DISC1: variants seen among roughly 807,000 people sequenced by gnomAD.
DISC1 encodes the protein DISC1 scaffold protein, also known as disrupted in schizophrenia 1 protein.
Under a neutral mutation model 84.5 loss-of-function variants are expected in DISC1, and 57 were observed. That is an observed-to-expected ratio of 0.67 (90% CI 0.55 to 0.84). The LOEUF (loss-of-function observed/expected upper bound fraction) is 0.84. Among genes scored for constraint, DISC1 ranks in the 40% least tolerant of loss-of-function variants. The pLI is 0.00. For synonymous variants in DISC1, 411 were observed against 415.2 expected, an observed-to-expected ratio of 0.99 and a Z score of 0.12; for missense variants, 1,000 against 1,057.8, an observed-to-expected ratio of 0.95 and a Z score of 0.76.
At chr1:231,923,338 G>T (rs200475513) in intron 9 of DISC1, among the ~76,000 whole-genome samples, 1 of 150,998 alleles carries the variant, frequency 6.6e-6, no homozygotes, top group African/African-American at 2.4e-5. Context: ...AAAGAAATCC[G>T]TTTTCGCTGA....
chr1:231,677,796 T>C (rs2063303723), intron 1 of DISC1, among the ~76,000 whole-genome samples: 1 of 152,196 alleles, frequency 6.6e-6, no homozygotes. Context: ...CTGACCAATA[T>C]GGTGAAACCC....
intron 9 of DISC1, among the ~76,000 whole-genome samples, chr1:231,880,115 A>G (rs1480373451): frequency 1.3e-5 from 2 of 152,202 alleles, no homozygotes; most frequent in East Asian, 1.9e-4. Flanking sequence ...TCATGAAATA[A>G]TGAGCTAATG....
intron 9 of DISC1, among the ~76,000 whole-genome samples, chr1:231,927,641 A>G (rs2090427553): frequency 6.6e-6 from 1 of 152,210 alleles, no homozygotes; most frequent in Non-Finnish European, 1.5e-5. Context: ...TTTGCCAGGA[A>G]CCATGCCAAG....
chr1:231,774,975 C>A (rs1270995325), intron 6 of DISC1, among the ~76,000 whole-genome samples: 2 of 152,218 alleles, frequency 1.3e-5, no homozygotes, highest in Non-Finnish European at 2.9e-5. Flanking sequence ...TTACATACAT[C>A]AATAGCTGCC....
At chr1:231,640,415 C>T (rs984615675) in intron 1 of DISC1, among the ~76,000 whole-genome samples, 10 of 152,190 alleles carry the variant, frequency 6.6e-5, no homozygotes, top group East Asian at 1.9e-4. Flanking sequence ...AGCACATTCC[C>T]GGAGTGTAAG....
intron 6 of DISC1, among the ~76,000 whole-genome samples, chr1:231,777,451 C>G (rs967053536): frequency 3.9e-5 from 6 of 152,114 alleles, no homozygotes; most frequent in African/African-American, 1.4e-4. Context: ...GAACTCCTGT[C>G]CTCAAGTGAT....
chr1:231,951,001 C>G (rs1181167603), intron 9 of DISC1, among the ~76,000 whole-genome samples: 1 of 152,180 alleles, frequency 6.6e-6, no homozygotes, highest in Admixed American at 6.5e-5. Flanking sequence ...CAGCCACACA[C>G]CACCCCACAG....
chr1:231,719,095 A>G (rs1372445446), intron 3 of DISC1, among the ~76,000 whole-genome samples: 1 of 152,228 alleles, frequency 6.6e-6, no homozygotes, highest in Admixed American at 6.5e-5. Flanking sequence ...ACTGCACTCC[A>G]GCCTGGGTGA....
At chr1:231,879,347 T>C (rs887365101) in intron 9 of DISC1, among the ~76,000 whole-genome samples, 2 of 152,010 alleles carry the variant, frequency 1.3e-5, no homozygotes, top group Admixed American at 1.3e-4. Context: ...GGACTTAAGG[T>C]ATACATATGT....
intron 11 of DISC1, among the ~76,000 whole-genome samples, chr1:232,011,020 A>G (rs1667974808): frequency 3.3e-5 from 5 of 152,086 alleles, no homozygotes; most frequent in Admixed American, 3.3e-4. Context: ...CCAAGGTGCC[A>G]TATTTTGGGG....
chr1:231,727,885 G>C (rs1161724758), intron 3 of DISC1, among the ~76,000 whole-genome samples: 3 of 151,690 alleles, frequency 2.0e-5, no homozygotes, highest in Non-Finnish European at 4.4e-5. Context: ...CCAGGAGTTC[G>C]GGGCTGCAGT....
At chr1:231,773,550 A>G (rs1223886489) in intron 6 of DISC1, among the ~76,000 whole-genome samples, 2 of 151,612 alleles carry the variant, frequency 1.3e-5, no homozygotes, top group African/African-American at 4.8e-5. Context: ...ACACCCAGCT[A>G]ATTTTTTGTA....
At chr1:231,900,645 G>A (rs1395043349) in intron 9 of DISC1, among the ~76,000 whole-genome samples, 1 of 152,098 alleles carries the variant, frequency 6.6e-6, no homozygotes, top group Non-Finnish European at 1.5e-5. Context: ...GTTTCAGAAA[G>A]CTTTGCAAGG....
intron 9 of DISC1, among the ~76,000 whole-genome samples, chr1:231,887,008 TGC>T (rs1250608734): frequency 2.6e-5 from 4 of 151,686 alleles, no homozygotes; most frequent in African/African-American, 7.3e-5. Flanking sequence ...ACTATAGGTG[TGC>T]ATCACCATGC....
chr1:231,979,944 A>G (rs200978767), intron 10 of DISC1, among the ~76,000 whole-genome samples: 24 of 152,160 alleles, frequency 1.6e-4, no homozygotes, highest in Non-Finnish European at 2.8e-4. Context: ...AGTTAGCTCA[A>G]TGCACCAATA....
chr1:231,652,802 T>C (rs961043041), intron 1 of DISC1, among the ~76,000 whole-genome samples: 7 of 152,158 alleles, frequency 4.6e-5, no homozygotes, highest in African/African-American at 1.7e-4. Context: ...TTTTCTGAGA[T>C]GGAGGCTCGC....
chr1:231,919,102 T>C (rs2126074623), intron 9 of DISC1, among the ~76,000 whole-genome samples: 1 of 152,336 alleles, frequency 6.6e-6, no homozygotes, highest in South Asian at 2.1e-4. Context: ...ACTCAAAGTC[T>C]TCGTTGATGG....
intron 9 of DISC1, among the ~76,000 whole-genome samples, chr1:231,898,731 A>G (rs1330317192): frequency 1.3e-5 from 2 of 152,202 alleles, no homozygotes; most frequent in Non-Finnish European, 2.9e-5. Flanking sequence ...CAGGAGCTAG[A>G]GACCAGCCTG....
intron 2 of DISC1, among the ~76,000 whole-genome samples, chr1:231,699,923 TCAC>T (rs1477999550): frequency 1.3e-5 from 2 of 152,228 alleles, no homozygotes; most frequent in African/African-American, 4.8e-5. Flanking sequence ...CATTTCACTT[TCAC>T]TTCTTGCTTT....
Sources: allele counts gnomAD v4.1 joint callset (sites outside exome capture counted in the v4.1 genomes callset), GRCh38; gene constraint gnomAD v4.1.1; transcripts MANE v1.5; gene names NCBI Gene and HGNC (gene_info 2026-07-23, HGNC 2026-07-21).